Variants in ERC2 observed in about 807,000 individuals in gnomAD.
The protein encoded by ERC2 is ELKS/RAB6-interacting/CAST family member 2.
ERC2 carries 42 observed loss-of-function variants against 114.8 expected under a neutral mutation model. The observed-to-expected ratio is 0.37, with a 90% confidence interval of 0.29 to 0.47. The LOEUF is 0.47. Ranked by LOEUF, ERC2 falls within the 20% of genes least tolerant of loss-of-function variation. The pLI is 0.99. For missense variants in ERC2, 939 were observed against 1,150.7 expected (o/e 0.82, Z 2.66); for synonymous variants, 454 against 425.5 (o/e 1.07, Z -0.82).
intron 14 of ERC2, among the ~76,000 whole-genome samples, chr3:55,835,740 AAGTTCTGGCCAGGGCGATTAGGC>A (rs1239213063): frequency 6.6e-6 from 1 of 152,182 alleles, no homozygotes; most frequent in Non-Finnish European, 1.5e-5. Flanking sequence ...ATAGTGTTGG[AAGTTCTGGCCAGGGCGATTAGGC>A]AGGAGAAGGA....
chr3:56,212,480 AAAG>A (rs1314516584), intron 3 of ERC2, among the ~76,000 whole-genome samples: 1 of 152,196 alleles, frequency 6.6e-6, no homozygotes, highest in Non-Finnish European at 1.5e-5. Flanking sequence ...ACGTGGTAAA[AAAG>A]GAACACTTTT....
Position 56,381,073 on chromosome 3 carries a change from G to T in ERC2, c.657+53278C>A, listed in dbSNP as rs116162542. Among the ~76,000 whole-genome samples, 956 of 152,226 alleles carry T rather than the reference G, an allele frequency of 6.3e-3. 10 individuals are homozygous for T. The highest frequency in any genetic ancestry group is 0.022 in the African/African-American group (909 of 41,536). Reference sequence around the variant, plus strand: ...TTAAGCACAACTGATTAATAAGGAAGCACTTTAGGACTTTGCATTATTTGA... The same window carrying T: ...TTAAGCACAACTGATTAATAAGGAATCACTTTAGGACTTTGCATTATTTGA... On this transcript the variant is annotated intron_variant, in intron 2 of 17. Coordinates refer to ENST00000288221, the MANE Select transcript of ERC2 (RefSeq NM_015576.3).
chr3:55,671,517 G>A (rs575545481), intron 17 of ERC2, among the ~76,000 whole-genome samples: 2 of 152,236 alleles, frequency 1.3e-5, no homozygotes, highest in African/African-American at 2.4e-5. Flanking sequence ...CTCCTTTGCC[G>A]ACATCCTTTG....
chr3:56,124,228 A>C (rs981687351), intron 6 of ERC2, among the ~76,000 whole-genome samples: 1 of 152,212 alleles, frequency 6.6e-6, no homozygotes, highest in Non-Finnish European at 1.5e-5. Flanking sequence ...ACTTCATTCT[A>C]CTGATTTTTC....
At chr3:55,886,370 G>A (rs1576023245) in intron 14 of ERC2, among the ~76,000 whole-genome samples, 1 of 152,172 alleles carries the variant, frequency 6.6e-6, no homozygotes, top group African/African-American at 2.4e-5. Flanking sequence ...AATCCAAAAT[G>A]AAGGTGGAAG....
intron 7 of ERC2, among the ~76,000 whole-genome samples, chr3:56,024,981 T>G (rs2073953610): frequency 6.6e-6 from 1 of 152,224 alleles, no homozygotes; most frequent in South Asian, 2.1e-4. Context: ...GAGCAATGTA[T>G]GGACAAGTTC....
At chr3:55,740,585 T>C (rs1346277453) in intron 14 of ERC2, among the ~76,000 whole-genome samples, 3 of 152,164 alleles carry the variant, frequency 2.0e-5, no homozygotes, top group South Asian at 2.1e-4. Context: ...TAAAAAGGTA[T>C]ATAAAACTAG....
intron 14 of ERC2, among the ~76,000 whole-genome samples, chr3:55,777,087 T>A (rs890294511): frequency 2.0e-5 from 3 of 147,638 alleles, no homozygotes; most frequent in Non-Finnish European, 3.0e-5. Flanking sequence ...AAAAAAAAAA[T>A]AATAACAGCA....
rs530608695 is a variant in ERC2 at position 56,014,179 on chromosome 3, G to C, written c.1780-3590C>G. 3.3e-5 allele frequency among the ~76,000 whole-genome samples: 5 copies of C among 152,250 alleles called. No individual in the cohort carries two copies. The South Asian group carries it at 1.0e-3, about 32-fold the overall frequency. The stretch of plus-strand genomic sequence containing the variant: ...GCTGGTACATAGAGCTCTTTTGTTT[G>C]ACTTGAGCATCATAATTTTTAAAAA... On this transcript the variant is annotated intron_variant, in intron 8 of 17. Coordinates refer to ENST00000288221, the MANE Select transcript of ERC2 (RefSeq NM_015576.3).
intron 3 of ERC2, among the ~76,000 whole-genome samples, chr3:56,198,185 G>T (rs2048215414): frequency 6.6e-6 from 1 of 152,194 alleles, no homozygotes; most frequent in Admixed American, 6.5e-5. Context: ...GAAGCACCAG[G>T]TACTGCTTTC....
At chr3:55,527,317 TG>T (rs897720516) in intron 17 of ERC2, among the ~76,000 whole-genome samples, 1 of 152,146 alleles carries the variant, frequency 6.6e-6, no homozygotes, top group South Asian at 2.1e-4. Flanking sequence ...TAGTGCTTAG[TG>T]GGGGGCCTCA....
intron 2 of ERC2, among the ~76,000 whole-genome samples, chr3:56,367,263 C>CCTTTTTTTTTT (rs1560682480): frequency 4.2e-5 from 6 of 143,044 alleles, no homozygotes; most frequent in African/African-American, 1.7e-4. Context: ...CAATGGGCAG[C>CCTTTTTTTTTT]ATTTTTTTTT....
At chr3:55,885,807 C>A (rs2063328387) in intron 14 of ERC2, among the ~76,000 whole-genome samples, 1 of 152,068 alleles carries the variant, frequency 6.6e-6, no homozygotes, top group South Asian at 2.1e-4. Flanking sequence ...TGCTGAGAAC[C>A]CCTCCTCACA....
intron 2 of ERC2, among the ~76,000 whole-genome samples, chr3:56,380,896 T>C (rs946314830): frequency 2.6e-5 from 4 of 152,216 alleles, no homozygotes; most frequent in African/African-American, 4.8e-5. Context: ...TAAATGATAA[T>C]TGACCATCAA....
intron 17 of ERC2, among the ~76,000 whole-genome samples, chr3:55,580,838 A>G (rs538534191): frequency 6.6e-6 from 1 of 152,336 alleles, no homozygotes; most frequent in South Asian, 2.1e-4. Flanking sequence ...CAAAATTGAC[A>G]TTGAAATACA....
At chr3:55,836,642 A>G (rs2060898488) in intron 14 of ERC2, among the ~76,000 whole-genome samples, 1 of 152,156 alleles carries the variant, frequency 6.6e-6, no homozygotes, top group South Asian at 2.1e-4. Context: ...ACCTAAAACC[A>G]TAAAAACCCT....
chr3:55,822,859 C>T (rs1048332619), intron 14 of ERC2, among the ~76,000 whole-genome samples: 1 of 152,082 alleles, frequency 6.6e-6, no homozygotes, highest in Admixed American at 6.5e-5. Flanking sequence ...GTGATCCACC[C>T]GCCTCGGCCT....
intron 2 of ERC2, among the ~76,000 whole-genome samples, chr3:56,374,051 T>C (rs550881651): frequency 9.2e-5 from 14 of 152,282 alleles, no homozygotes; most frequent in African/African-American, 3.1e-4. Flanking sequence ...AGTTCACACC[T>C]TGCATGCCCA....
chr3:56,200,845 C>T (rs79891526), intron 3 of ERC2, among the ~76,000 whole-genome samples: 108 of 152,274 alleles, frequency 7.1e-4, no homozygotes, highest in African/African-American at 2.4e-3. Context: ...GTAACTATGC[C>T]AGAGAAATCT....
Sources: gnomAD v4.1 joint callset for allele counts (sites outside exome capture counted in the v4.1 genomes callset) on GRCh38, gnomAD v4.1.1 for gene constraint, MANE v1.5 for transcripts, NCBI Gene and HGNC (gene_info 2026-07-23, HGNC 2026-07-21) for gene names.